The following CACHD1 variants were observed in gnomAD, a reference collection of about 807,000 sequenced individuals.
CACHD1 encodes the protein cache domain containing 1.
CACHD1 carries 71 observed loss-of-function variants against 138.7 expected under a neutral mutation model. The observed-to-expected ratio is 0.51, with a 90% CI of 0.42 to 0.62. The LOEUF is 0.62. CACHD1 is among the 20% of genes least tolerant of loss of function. The probability of loss-of-function intolerance (pLI) is 0.00; values close to 1 mark genes in which losing one functional copy is unlikely to be tolerated. For synonymous variants in CACHD1, 578 were observed against 591.5 expected, an observed-to-expected ratio of 0.98 and a Z score of 0.33; for missense variants, 1,389 against 1,625.3, an observed-to-expected ratio of 0.85 and a Z score of 2.50.
At chr1:64,474,841 C>T (rs1646165284) in intron 1 of CACHD1, among the ~76,000 whole-genome samples, 1 of 152,224 alleles carries the variant, frequency 6.6e-6, no homozygotes, top group Non-Finnish European at 1.5e-5. Context: ...TAAAGTTAGC[C>T]CAACTCTGCT....
chr1:64,643,892 C>T (rs1419262312), intron 8 of CACHD1, among the ~76,000 whole-genome samples: 2 of 152,234 alleles, frequency 1.3e-5, no homozygotes, highest in African/African-American at 4.8e-5. Context: ...GGTTTCCTGT[C>T]TCAGACAGTA....
Position 64,691,434 on chromosome 1 carries a change from C to T in CACHD1, c.3698C>T (p.Thr1233Ile), listed in dbSNP as rs747634732. Reference protein sequence around the residue: ...GNHDEDLDLDTPPQTAALLSH... With the variant: ...GNHDEDLDLDIPPQTAALLSH... ...CATGATGAGGACTTAGACCTGGATA[C>T]CCCCCCTCAGACTGCTGCCCTACTA... is the stretch of plus-strand genomic sequence containing the variant. Residue 1233 changes from threonine (T) to isoleucine (I), a missense_variant, in exon 27 of 27, where the codon ACC (threonine) becomes ATC (isoleucine). Thr to Ile is a moderately conservative substitution (Grantham distance 89). Transcript: ENST00000651257. The T allele has an allele frequency of 6.2e-6, 10 of 1,613,790 alleles. No homozygotes were observed. Among genetic ancestry groups the T allele is most frequent in the Non-Finnish European group, 7.6e-6 (9 of 1,179,826 alleles).
At chr1:64,651,483 G>T (rs1649090832) in intron 9 of CACHD1, among the ~76,000 whole-genome samples, 1 of 152,020 alleles carries the variant, frequency 6.6e-6, no homozygotes, top group South Asian at 2.1e-4. Flanking sequence ...AGCAGTTAAT[G>T]CTGTGTCCTT....
intron 8 of CACHD1, among the ~76,000 whole-genome samples, chr1:64,642,532 T>A (rs1648752882): frequency 6.6e-6 from 1 of 152,230 alleles, no homozygotes; most frequent in Non-Finnish European, 1.5e-5. Context: ...TGTGCTGCTG[T>A]CGAATGACAG....
chr1:64,486,369 T>C lies in CACHD1; in HGVS notation c.198+15427T>C, dbSNP rs181664594. On this transcript the variant is annotated intron_variant, in intron 1 of 26. Coordinates refer to ENST00000651257, the MANE Select transcript of CACHD1 (RefSeq NM_020925.4). ...GCGCGCGCACACACACACACACACATACACACACACACACACACACACATA... is the reference window on the plus strand; with the variant it reads ...GCGCGCGCACACACACACACACACACACACACACACACACACACACACATA... Among the ~76,000 whole-genome samples the C allele has an allele frequency of 7.3e-3, 1,059 of 145,048 alleles. 9 individuals carry two copies. The highest frequency in any genetic ancestry group is 0.022 in the South Asian group (102 of 4,616).
intron 6 of CACHD1, among the ~76,000 whole-genome samples, chr1:64,633,256 T>A (rs1289929094): frequency 6.6e-6 from 1 of 152,222 alleles, no homozygotes; most frequent in Non-Finnish European, 1.5e-5. Flanking sequence ...TATATTTTTT[T>A]AAATCCATCT....
At position 64,501,585 on chromosome 1, in the gene CACHD1, A is replaced by T. The variant is rs556893986; in HGVS notation, c.198+30643A>T. Among the ~76,000 whole-genome samples, 23 of 152,364 alleles carry T rather than the reference A, an allele frequency of 1.5e-4. 1 individual carries two copies. Among genetic ancestry groups the T allele is most frequent in the Non-Finnish European group, 2.8e-4 (19 of 68,032 alleles). ...TATCTGAACAGTTTCTAGAAATTAC[A>T]TCTTCTTCTGGCAAAAACTGCTTCT... is the stretch of plus-strand genomic sequence containing the variant. On this transcript the variant is annotated intron_variant, in intron 1 of 26. Transcript: ENST00000651257.
chr1:64,528,040 G>C (rs1205537743), intron 1 of CACHD1, among the ~76,000 whole-genome samples: 1 of 152,184 alleles, frequency 6.6e-6, no homozygotes, highest in Admixed American at 6.5e-5. Flanking sequence ...GGGGGGATGA[G>C]TTTCTGAAAG....
chr1:64,536,351 C>T (rs1231487866), intron 1 of CACHD1, among the ~76,000 whole-genome samples: 8 of 152,188 alleles, frequency 5.3e-5, no homozygotes, highest in African/African-American at 9.6e-5. Context: ...TTCCACTACA[C>T]AATGCTTCCC....
chr1:64,557,840 C>G (rs960998476), intron 2 of CACHD1, among the ~76,000 whole-genome samples: 2 of 151,926 alleles, frequency 1.3e-5, no homozygotes, highest in Non-Finnish European at 1.5e-5. Flanking sequence ...TCCCAGTCAC[C>G]CAGCCTGGAG....
At chr1:64,611,991 A>G (rs1007499547) in intron 4 of CACHD1, among the ~76,000 whole-genome samples, 2 of 152,214 alleles carry the variant, frequency 1.3e-5, no homozygotes, top group Non-Finnish European at 2.9e-5. Context: ...GCAAAGGGCA[A>G]GCAAGGCATG....
intron 1 of CACHD1, among the ~76,000 whole-genome samples, chr1:64,505,568 G>A (rs1472440754): frequency 9.8e-6 from 1 of 101,814 alleles, no homozygotes; most frequent in Non-Finnish European, 2.0e-5. Flanking sequence ...CTCCTCTGGG[G>A]CACACCCCGC....
intron 12 of CACHD1, 50 bp from the exon 13 acceptor site, chr1:64,658,655 C>A: frequency 1.4e-6 from 2 of 1,452,786 alleles, no homozygotes; most frequent in East Asian, 2.3e-5. Context: ...GTCCCTGTCC[C>A]CATGGAACCC....
intron 2 of CACHD1, among the ~76,000 whole-genome samples, chr1:64,571,598 T>TAA (rs1646927219): frequency 6.6e-6 from 1 of 152,230 alleles, no homozygotes; most frequent in Non-Finnish European, 1.5e-5. Flanking sequence ...TGGTAACAGA[T>TAA]ACTTGTTTCC....
rs1023970990 is a variant in CACHD1, at chr1:64,512,511, A to G, written c.199-38083A>G. On this transcript the variant is annotated intron_variant, in intron 1 of 26. Coordinates refer to ENST00000651257, the MANE Select transcript of CACHD1 (RefSeq NM_020925.4). ...GCTGTTCCTCCTTTACTTTGAATGG[A>G]GAGAGGCTACTGCAGGCCAACTGGA... 2.0e-5 allele frequency among the ~76,000 whole-genome samples: 3 copies of G among 151,366 alleles called. No individual in the cohort carries two copies. In the East Asian group the frequency reaches 5.9e-4, roughly 30 times the overall value.
chr1:64,483,681 CAAAAAAAAA>C (rs10537125), intron 1 of CACHD1, among the ~76,000 whole-genome samples: 2 of 58,202 alleles, frequency 3.4e-5, no homozygotes, highest in African/African-American at 9.7e-5. Context: ...CTGTCTCTAC[CAAAAAAAAA>C]AAAAAAAAAA....
intron 1 of CACHD1, among the ~76,000 whole-genome samples, chr1:64,479,807 C>T (rs1480416563): frequency 1.3e-5 from 2 of 152,188 alleles, no homozygotes; most frequent in African/African-American, 4.8e-5. Flanking sequence ...TTCAATATGG[C>T]TGGCAGTAGC....
At chr1:64,685,432 G>C (rs565803637) in intron 26 of CACHD1, among the ~76,000 whole-genome samples, 1 of 152,170 alleles carries the variant, frequency 6.6e-6, no homozygotes, top group Non-Finnish European at 1.5e-5. Context: ...CTGTACCCTT[G>C]TACACTGTGG....
chr1:64,554,318 G>T (rs1007232373), intron 2 of CACHD1, among the ~76,000 whole-genome samples: 2 of 152,184 alleles, frequency 1.3e-5, no homozygotes, highest in Non-Finnish European at 2.9e-5. Flanking sequence ...CTTAATGATG[G>T]TAGAACTGTG....
Sources: allele counts gnomAD v4.1 joint callset (sites outside exome capture counted in the v4.1 genomes callset), GRCh38; gene constraint gnomAD v4.1.1; transcripts MANE v1.5; gene names NCBI Gene and HGNC (gene_info 2026-07-23, HGNC 2026-07-21).